NDUFA10: variants seen among roughly 807,000 people sequenced by gnomAD.
The protein encoded by NDUFA10 is NADH dehydrogenase [ubiquinone] 1 alpha subcomplex subunit 10, mitochondrial.
A neutral mutation model predicts 47.8 loss-of-function variants in NDUFA10; 40 were observed. The ratio of observed to expected loss-of-function variants is 0.84; its 90% CI spans 0.65 to 1.09. The LOEUF is 1.09. NDUFA10 is among the 50% of genes least tolerant of loss of function. The probability of loss-of-function intolerance (pLI) is 0.00; values close to 1 mark genes in which losing one functional copy is unlikely to be tolerated. For missense variants in NDUFA10, 413 were observed against 451.1 expected, an observed-to-expected ratio of 0.92 and a Z score of 0.76; for synonymous variants, 183 against 172.2, an observed-to-expected ratio of 1.06 and a Z score of -0.49.
chr2:239,978,675 T>C (rs1695634455), intron 9 of NDUFA10, among the ~76,000 whole-genome samples: 1 of 152,216 alleles, frequency 6.6e-6, no homozygotes, highest in Admixed American at 6.5e-5. Context: ...CCAGTTGTAC[T>C]TGTCATTGCA....
chr2:239,905,644 G>A (rs1039861060), intron 4 of NDUFA10, among the ~76,000 whole-genome samples: 5 of 150,230 alleles, frequency 3.3e-5, no homozygotes, highest in Non-Finnish European at 5.9e-5. Flanking sequence ...CTTGGTTCGC[G>A]TGGTCCCATC....
At chr2:239,920,288 G>C (rs1202383354) in intron 4 of NDUFA10, among the ~76,000 whole-genome samples, 2 of 152,226 alleles carry the variant, frequency 1.3e-5, no homozygotes. Context: ...CTGCAGAGCT[G>C]AGAATGGAAT....
In NDUFA10 at chr2:239,893,662, C is replaced by A. The variant is rs547390275; in HGVS notation, c.*15-955G>T. Among the ~76,000 whole-genome samples, 6 of 152,286 alleles carry A rather than the reference C, an allele frequency of 3.9e-5. No individual in the cohort carries two copies. The South Asian group carries it at 1.2e-3, about 32-fold the overall frequency. Reference sequence around the variant, plus strand: ...CCCTTCCATAAGGCACTAATCCATTCATGAGGACCTGATCACCTCCTAAAG... The same window carrying A: ...CCCTTCCATAAGGCACTAATCCATTAATGAGGACCTGATCACCTCCTAAAG... On this transcript the variant is annotated intron_variant, in intron 5 of 5. Transcript: ENST00000419408.
In NDUFA10 at chr2:239,926,764, C is replaced by G. The variant is rs183409960; in HGVS notation, c.295-31450G>C. Among the ~76,000 whole-genome samples the G allele has an allele frequency of 4.5e-4, 69 of 152,250 alleles. 1 individual carries two copies. Among genetic ancestry groups the G allele is most frequent in the African/African-American group, 1.5e-3 (63 of 41,552 alleles). ...TGGGACAGGAGGTGGAGGTGGAAGA[C>G]AGTGACGTCATATTAGTCTGTCCTC... On this transcript the variant is annotated intron_variant, in intron 4 of 5. Transcript: ENST00000419408.
At chr2:239,925,960 T>A (rs1482483952) in intron 4 of NDUFA10, among the ~76,000 whole-genome samples, 1 of 152,184 alleles carries the variant, frequency 6.6e-6, no homozygotes, top group Non-Finnish European at 1.5e-5. Flanking sequence ...TATACATCTT[T>A]CAGAGCAACT....
chr2:239,977,478 G>A (rs1439097101), intron 9 of NDUFA10, among the ~76,000 whole-genome samples: 1 of 152,206 alleles, frequency 6.6e-6, no homozygotes, highest in Non-Finnish European at 1.5e-5. Context: ...CTTCACGCAG[G>A]TGAGAGGATT....
In NDUFA10 at chr2:240,014,530, C is replaced by A. The variant is rs191612417; in HGVS notation, c.669+209G>T. 5.0e-5 allele frequency: 34 copies of A among 683,954 alleles called. No homozygotes were observed. In the East Asian group the frequency reaches 1.0e-3, roughly 20 times the overall value. The allele number at this position is 683,954 out of a possible 1,614,324, so 42.4% of individuals were successfully genotyped here. A position where few individuals can be genotyped will look rare whatever the true frequency, so the allele number is the denominator to read the frequency against. ...AGTGGGACCGCAGAGCACTGGTGGG[C>A]GGCAGGCCCGCAGGCTGTGGCACCA... is the stretch of plus-strand genomic sequence containing the variant. On this transcript the variant is annotated intron_variant, in intron 5 of 9. Coordinates refer to ENST00000252711, the MANE Select transcript of NDUFA10 (RefSeq NM_004544.4).
intron 4 of NDUFA10, among the ~76,000 whole-genome samples, chr2:239,947,055 GA>G (rs5839820): frequency 0.077 from 11,652 of 152,302 alleles, 531 homozygotes; most frequent in Admixed American, 0.13. Context: ...CCTCAGTCCT[GA>G]AGCCCGGTGC....
chr2:239,985,762 T>A (rs1159372606), intron 9 of NDUFA10, among the ~76,000 whole-genome samples: 3 of 151,722 alleles, frequency 2.0e-5, no homozygotes, highest in Non-Finnish European at 4.4e-5. Flanking sequence ...ATACAAAAAA[T>A]TAGCTGGGCA....
chr2:239,928,755 C>T lies in NDUFA10; in HGVS notation c.295-33441G>A, dbSNP rs1195742338. ...TGTGCAAGGATGTCAGACCCTTCCG[C>T]GTTCCCTGCAGCGTCCCTTCCAAAC... On this transcript the variant is annotated intron_variant, in intron 4 of 5. Transcript: ENST00000419408. The surrounding 1 kb of genome is among the most constrained non-coding windows in gnomAD (Gnocchi z 4.3). Among the ~76,000 whole-genome samples, 2 of 152,214 alleles carry T rather than the reference C, an allele frequency of 1.3e-5. No individual in the cohort carries two copies. The highest frequency in any genetic ancestry group is 2.9e-5 in the Non-Finnish European group (2 of 68,046).
At chr2:239,979,330 C>T (rs1205710100) in intron 9 of NDUFA10, among the ~76,000 whole-genome samples, 1 of 145,434 alleles carries the variant, frequency 6.9e-6, no homozygotes, top group Non-Finnish European at 1.5e-5. Flanking sequence ...GCTGGCTGAA[C>T]TGGCTCCACC....
chr2:240,025,304 C>A lies in NDUFA10; in HGVS notation c.-3G>T, dbSNP rs1276524107. 10 of 1,505,868 alleles carry A rather than the reference C, an allele frequency of 6.6e-6. No homozygotes were observed. Among genetic ancestry groups the A allele is most frequent in the Admixed American group, 2.2e-5 (1 of 45,752 alleles). The allele number at this position is 1,505,868 out of a possible 1,614,324, so 93.3% of individuals were successfully genotyped here. A position where few individuals can be genotyped will look rare whatever the true frequency, so the allele number is the denominator to read the frequency against. On this transcript the variant is annotated 5_prime_UTR_variant, in exon 1 of 10. Transcript: ENST00000252711. ...AGCTTCAGGAGCCGCAAGGCCATGG[C>A]TACCCGGTCAGCTCAGGATCAAGGA...
intron 8 of NDUFA10, among the ~76,000 whole-genome samples, chr2:239,993,511 G>A (rs1300853794): frequency 6.6e-6 from 1 of 152,188 alleles, no homozygotes; most frequent in Non-Finnish European, 1.5e-5. Flanking sequence ...GGTAGAAGAC[G>A]CAGAACCAGG....
intron 4 of NDUFA10, among the ~76,000 whole-genome samples, chr2:239,901,587 AT>A (rs1328849828): frequency 6.6e-6 from 1 of 151,990 alleles, no homozygotes; most frequent in Non-Finnish European, 1.5e-5. Flanking sequence ...TACAACATCC[AT>A]TCTTCAGCCC....
At position 240,016,901 on chromosome 2, in the gene NDUFA10, CG is replaced by C. The variant is rs1344391258; in HGVS notation, c.547+1651del. 6.6e-6 allele frequency among the ~76,000 whole-genome samples: 1 copy of C among 152,138 alleles called. No individual in the cohort carries two copies. Among genetic ancestry groups the C allele is most frequent in the Non-Finnish European group, 1.5e-5 (1 of 68,020 alleles). On this transcript the variant is annotated intron_variant, in intron 4 of 9. Transcript: ENST00000252711. The surrounding 1 kb of genome is among the most constrained non-coding windows in gnomAD (Gnocchi z 4.4). ...CCAACGCCCAAACATGAAGCCACAT[CG>C]GTCCACTGCCCCTGTGCATCCTTCC...
chr2:239,986,809 T>TC, intron 9 of NDUFA10, among the ~76,000 whole-genome samples: 1 of 152,244 alleles, frequency 6.6e-6, no homozygotes, highest in East Asian at 1.9e-4. Flanking sequence ...TCAAAGTATG[T>TC]CCCCCTCAAA....
intron 4 of NDUFA10, among the ~76,000 whole-genome samples, chr2:239,952,124 T>C (rs1023679904): frequency 6.6e-6 from 1 of 152,094 alleles, no homozygotes; most frequent in African/African-American, 2.4e-5. Flanking sequence ...GTGCCACACC[T>C]GCTCGCAGAG....
rs1694764940 is a variant in NDUFA10, at chr2:239,959,599, T to C, written c.*1519A>G. 1.0e-6 allele frequency: 1 copy of C among 985,822 alleles called. No individual in the cohort carries two copies. 61.1% of individuals were successfully genotyped at this position (985,822 alleles called of 1,614,324 possible). On this transcript the variant is annotated 3_prime_UTR_variant, in exon 10 of 10. Transcript: ENST00000252711. Reference sequence around the variant, plus strand: ...CCAATTCAAAACTCCTGGGAAACTTTATTTTCAAATTCTTAAAACAAGGAA... The same window carrying C: ...CCAATTCAAAACTCCTGGGAAACTTCATTTTCAAATTCTTAAAACAAGGAA...
rs184192635 is a variant in NDUFA10, at chr2:239,899,512, T to A, written c.295-4198A>T. ...TGTGATGGAGGGGTGTGATGGTCCC[T>A]TCCACAATTGCCAGGATGAAACAGA... On this transcript the variant is annotated intron_variant, in intron 4 of 5. Coordinates refer to the NDUFA10 transcript ENST00000419408. Among the ~76,000 whole-genome samples, 454 of 151,110 alleles carry A rather than the reference T, an allele frequency of 3.0e-3. 3 individuals carry two copies. Among genetic ancestry groups the A allele is most frequent in the East Asian group, 0.018 (91 of 5,144 alleles).
Sources: gnomAD v4.1 joint callset for allele counts (sites outside exome capture counted in the v4.1 genomes callset) on GRCh38, gnomAD v4.1.1 for gene constraint, Gnocchi (gnomAD v3.1) non-coding constraint, MANE v1.5 for transcripts, NCBI Gene and HGNC (gene_info 2026-07-23, HGNC 2026-07-21) for gene names.